STRA6: variants seen among roughly 807,000 people sequenced by gnomAD.
STRA6 encodes the protein signaling receptor and transporter of retinol STRA6.
Under a neutral mutation model 83.6 loss-of-function variants are expected in STRA6, and 48 were observed. The observed-to-expected ratio is 0.57, with a 90% confidence interval of 0.46 to 0.73. The LOEUF is 0.73. Among genes scored for constraint, STRA6 ranks in the 30% least tolerant of loss-of-function variants. STRA6 has a pLI of 0.00. For synonymous variants in STRA6, 353 were observed against 362.3 expected (o/e 0.97, Z 0.29); for missense variants, 760 against 838.8 (o/e 0.91, Z 1.16).
At position 74,193,917 on chromosome 15, in the gene STRA6, G is replaced by A; in HGVS notation, c.603C>T (p.Tyr201=). 1 of 1,613,360 alleles carries A rather than the reference G, an allele frequency of 6.2e-7. No homozygotes were observed. The highest frequency in any genetic ancestry group is 8.5e-7 in the Non-Finnish European group (1 of 1,179,442). The change falls in exon 8 of 19, where the codon TAC becomes TAT. Residue 201 remains tyrosine (Y), a synonymous_variant. Transcript: ENST00000395105. Reference sequence around the variant, plus strand: ...GGGAGGCCAGCAGGGAGTAGTACTTGTAGATCTGGACAGACAAACACCCAG... The same window carrying A: ...GGGAGGCCAGCAGGGAGTAGTACTTATAGATCTGGACAGACAAACACCCAG... ...RAECPQVPKI[Y]KYYSLLASLP... is the part of the protein sequence containing the mutation.
chr15:74,189,243 G>C lies in STRA6; in HGVS notation c.962C>G (p.Thr321Ser). 2 of 1,607,838 alleles carry C rather than the reference G, an allele frequency of 1.2e-6. No homozygotes were observed. The highest frequency in any genetic ancestry group is 1.7e-6 in the Non-Finnish European group (2 of 1,177,356). ...ALLLLVGVVP[T>S]IQKVRAGVTT... Reference sequence around the variant, plus strand: ...GACCCCTGCCCTCACCTTCTGGATAGTGGGTACCACGCCCACCAGCAGCAG... The same window carrying C: ...GACCCCTGCCCTCACCTTCTGGATACTGGGTACCACGCCCACCAGCAGCAG... The change falls in exon 12 of 19, where the codon ACT becomes AGT. Residue 321 changes from threonine (T) to serine (S), a missense_variant. Transcript: ENST00000395105.
intron 8 of STRA6, chr15:74,191,756 C>T: frequency 1.8e-6 from 1 of 562,030 alleles, no homozygotes. Flanking sequence ...GATCTGTCTC[C>T]AACTCTCGCC....
At chr15:74,194,173 G>A (rs2073696620) in intron 7 of STRA6, among the ~76,000 whole-genome samples, 1 of 92,396 alleles carries the variant, frequency 1.1e-5, no homozygotes, top group Non-Finnish European at 2.4e-5. Flanking sequence ...GAGCCAAGAG[G>A]AGGAGATCAC....
At chr15:74,203,237 A>G, upstream of STRA6, 3 of 983,766 alleles carry the variant, frequency 3.0e-6, no homozygotes, top group Middle Eastern at 1.0e-3. Flanking sequence ...TTGATTTCAC[A>G]AGGAGATAAC....
upstream of STRA6, among the ~76,000 whole-genome samples, chr15:74,206,685 TGGA>T (rs2074268307): frequency 6.6e-6 from 1 of 152,106 alleles, no homozygotes; most frequent in South Asian, 2.1e-4. Context: ...GCAGGCTCCC[TGGA>T]GGAGGGGGCC....
Position 74,194,263 on chromosome 15 carries a change from A to C in STRA6, c.598-341T>G, listed in dbSNP as rs2073702685. Reference sequence around the variant, plus strand: ...CCGGAGCATTAGGAACAGTTCTGAAAATCACACGAAAGCCTGCCTTTGCCT... The same window carrying C: ...CCGGAGCATTAGGAACAGTTCTGAACATCACACGAAAGCCTGCCTTTGCCT... On this transcript the variant is annotated intron_variant, in intron 7 of 18. Transcript: ENST00000395105. 3.1e-6 allele frequency: 3 copies of C among 954,892 alleles called. No individual in the cohort carries two copies. In the Admixed American group the frequency reaches 1.1e-4, roughly 36 times the overall value. The allele number at this position is 954,892 out of a possible 1,614,324, so 59.2% of individuals were successfully genotyped here.
rs147181641 is a variant in STRA6, at chr15:74,195,121, C to T, written c.597+181G>A. ...GGGCTGGGCCCAGCCACCTTGTTCC[C>T]TGCCTCTCCTGCAGAGCAGCCAAGC... On this transcript the variant is annotated intron_variant, in intron 7 of 18. Transcript: ENST00000395105. 3.5e-5 allele frequency: 52 copies of T among 1,491,020 alleles called. 1 individual carries two copies. The East Asian group carries it at 5.9e-4, about 17-fold the overall frequency. The allele number at this position is 1,491,020 out of a possible 1,614,324, so 92.4% of individuals were successfully genotyped here.
At chr15:74,202,321 A>T in intron 1 of STRA6, 39 bp from the exon 2 acceptor site, 1 of 1,583,444 alleles carries the variant, frequency 6.3e-7, no homozygotes. Flanking sequence ...GCCACTACAG[A>T]TGTGAAAAGA....
At chr15:74,186,054 C>T (rs374248880) in intron 12 of STRA6, among the ~76,000 whole-genome samples, 1 of 152,160 alleles carries the variant, frequency 6.6e-6, no homozygotes, top group South Asian at 2.1e-4. Flanking sequence ...ATCTCAGCAC[C>T]GATAGCGCCT....
In STRA6 at chr15:74,202,285, T is replaced by C. The variant is rs1555457939; in HGVS notation, c.-15-3A>G. On this transcript the variant is annotated splice_polypyrimidine_tract_variant and splice_region_variant and intron_variant, in intron 1 of 18. Transcript: ENST00000395105. Reference sequence around the variant, plus strand: ...GACGACATTCTCTGGCCCTTCTCCTTTGACCCCAGGCGAGAGAAAAAAAAA... The same window carrying C: ...GACGACATTCTCTGGCCCTTCTCCTCTGACCCCAGGCGAGAGAAAAAAAAA... 6.4e-7 allele frequency: 1 copy of C among 1,555,458 alleles called. No homozygotes were observed. Among genetic ancestry groups the C allele is most frequent in the Non-Finnish European group, 8.6e-7 (1 of 1,157,536 alleles).
At chr15:74,191,746 G>C in intron 8 of STRA6, 1 of 578,672 alleles carries the variant, frequency 1.7e-6, no homozygotes, top group South Asian at 2.0e-5. Context: ...TTCTTCCTAA[G>C]ATCTGTCTCC....
rs754439362 is a variant in STRA6 at position 74,191,159 on chromosome 15, C to T, written c.865+8G>A. 11 of 1,613,808 alleles carry T rather than the reference C, an allele frequency of 6.8e-6. No homozygotes were observed. The East Asian group carries it at 2.0e-4, about 29-fold the overall frequency. ...TGTCACGCTCGGCCTCAGCTCCCAA[C>T]CCCATACCTGGCTGTGGAGTGTAGA... On this transcript the variant is annotated splice_region_variant and intron_variant, in intron 10 of 18. Transcript: ENST00000395105.
Position 74,195,030 on chromosome 15 carries a change from G to A in STRA6, c.597+272C>T. On this transcript the variant is annotated intron_variant, in intron 7 of 18. Coordinates refer to ENST00000395105, the MANE Select transcript of STRA6 (RefSeq NM_022369.4). ...GCATTGGGGGTGGGGGCCATTTCAG[G>A]CTTTCTCTTCCCCCTACTCTGCCCA... 4 of 1,435,048 alleles carry A rather than the reference G, an allele frequency of 2.8e-6. No homozygotes were observed. In the Middle Eastern group the frequency reaches 7.7e-4, roughly 277 times the overall value. 88.9% of individuals were successfully genotyped at this position (1,435,048 alleles called of 1,614,324 possible). A position where few individuals can be genotyped will look rare whatever the true frequency, so the allele number is the denominator to read the frequency against.
At chr15:74,210,833 T>C (rs2074356168), upstream of STRA6, among the ~76,000 whole-genome samples, 1 of 152,262 alleles carries the variant, frequency 6.6e-6, no homozygotes, top group East Asian at 1.9e-4. Flanking sequence ...GGTTGTGTTC[T>C]CAAAAAGAGA....
At chr15:74,201,434 GGTGGGGGACACA>G (rs1207726352) in intron 2 of STRA6, among the ~76,000 whole-genome samples, 1 of 152,158 alleles carries the variant, frequency 6.6e-6, no homozygotes, top group Non-Finnish European at 1.5e-5. Context: ...CCTGGCAGGA[GGTGGGGGACACA>G]GAAGGGGCCC....
chr15:74,197,652 C>T, intron 3 of STRA6, 100 bp downstream of exon 3: 1 of 1,488,102 alleles, frequency 6.7e-7, no homozygotes, highest in Non-Finnish European at 9.2e-7. Flanking sequence ...CACCCAGGAT[C>T]TTCCAGGGCC....
chr15:74,196,396 G>A (rs920233003), intron 4 of STRA6: 4 of 549,992 alleles, frequency 7.3e-6, no homozygotes, highest in South Asian at 2.1e-5. Context: ...CTGCTCCTCC[G>A]CCCACCCTGG....
At position 74,179,511 on chromosome 15, in the gene STRA6, A is replaced by G. The variant is rs78299262; in HGVS notation, c.*569T>C. 0.025 allele frequency: 3,865 copies of G among 154,022 alleles called. 179 individuals carry two copies. The highest frequency in any genetic ancestry group is 0.086 in the African/African-American group (3,559 of 41,574). The allele number at this position is 154,022 out of a possible 1,614,324, so 9.5% of individuals were successfully genotyped here. ...TGCAGGGAACACACTAACCTCTTTC[A>G]TAATAGCCAAAGGCATAAAAACTAC... On this transcript the variant is annotated 3_prime_UTR_variant, in exon 19 of 19. Coordinates refer to ENST00000395105, the MANE Select transcript of STRA6 (RefSeq NM_022369.4).
chr15:74,184,518 C>T (rs924175800), intron 13 of STRA6, among the ~76,000 whole-genome samples: 1 of 152,178 alleles, frequency 6.6e-6, no homozygotes, highest in Admixed American at 6.5e-5. Context: ...GGTGGCATGG[C>T]GAGACCCGTA....
Sources: allele counts gnomAD v4.1 joint callset (sites outside exome capture counted in the v4.1 genomes callset), GRCh38; gene constraint gnomAD v4.1.1; transcripts MANE v1.5; gene names NCBI Gene and HGNC (gene_info 2026-07-23, HGNC 2026-07-21).